Variants in ZIM2 observed in about 807,000 individuals in gnomAD.
ZIM2 encodes zinc finger protein 656.
ZIM2 carries 14 observed loss-of-function variants against 38.6 expected under a neutral mutation model. The ratio of observed to expected loss-of-function variants is 0.36; its 90% CI spans 0.24 to 0.57. The LOEUF is 0.57. Among genes scored for constraint, ZIM2 ranks in the 20% least tolerant of loss-of-function variants. The pLI, the probability that ZIM2 is intolerant of heterozygous loss-of-function variation, is 0.81. For synonymous variants in ZIM2, 247 were observed against 245.8 expected (o/e 1.00, Z -0.04); for missense variants, 680 against 695.1 (o/e 0.98, Z 0.24).
Position 56,782,131 on chromosome 19 carries a change from A to T in ZIM2, c.571-10T>A. On this transcript the variant is annotated splice_polypyrimidine_tract_variant and intron_variant, in intron 10 of 12. Coordinates refer to ENST00000629319, the MANE Select transcript of ZIM2 (RefSeq NM_001387356.1). The stretch of plus-strand genomic sequence containing the variant: ...GTTTGAAGTCCGGGAACTATCCCAG[A>T]GAGAGGAGAAGGGACGTGATTAGAG... 6.2e-7 allele frequency: 1 copy of T among 1,612,546 alleles called. No individual in the cohort carries two copies. Among genetic ancestry groups the T allele is most frequent in the South Asian group, 1.1e-5 (1 of 90,950 alleles).
intron 9 of ZIM2, among the ~76,000 whole-genome samples, chr19:56,809,430 C>G (rs1339914049): frequency 6.6e-6 from 1 of 152,192 alleles, no homozygotes; most frequent in Non-Finnish European, 1.5e-5. Flanking sequence ...AGGGACACAG[C>G]AGCCGCAAAT....
intron 1 of ZIM2, among the ~76,000 whole-genome samples, chr19:56,839,774 G>C (rs1261211262): frequency 1.3e-5 from 2 of 151,822 alleles, no homozygotes; most frequent in South Asian, 2.1e-4. Flanking sequence ...CCAGAACAGC[G>C]CCTGCGCGGC....
intron 9 of ZIM2, chr19:56,812,405 T>C (rs1022489144): frequency 1.0e-6 from 1 of 984,132 alleles, no homozygotes; most frequent in Non-Finnish European, 1.2e-6. Context: ...TAAGCTTGGG[T>C]TGACTGTAAA....
In ZIM2 at chr19:56,775,188, C is replaced by A; in HGVS notation, c.1177G>T (p.Ala393Ser). The change falls in exon 13 of 13, where the codon GCT becomes TCT. Residue 393 changes from alanine (A) to serine (S), a missense_variant. Coordinates refer to ENST00000629319, the MANE Select transcript of ZIM2 (RefSeq NM_001387356.1). Reference sequence around the variant, plus strand: ...TGTGGCATGAGATAGAAGGCTTCAGCACACTGTTTACATTCATAGGGTTTC... The same window carrying A: ...TGTGGCATGAGATAGAAGGCTTCAGAACACTGTTTACATTCATAGGGTTTC... ...GKKPYECKQC[A>S]EAFYLMPHLN... 1 of 1,614,138 alleles carries A rather than the reference C, an allele frequency of 6.2e-7. No homozygotes were observed. Among genetic ancestry groups the A allele is most frequent in the African/African-American group, 1.3e-5 (1 of 75,028 alleles).
At chr19:56,802,264 G>A (rs1486685801) in intron 9 of ZIM2, among the ~76,000 whole-genome samples, 2 of 152,130 alleles carry the variant, frequency 1.3e-5, no homozygotes, top group South Asian at 2.1e-4. Flanking sequence ...AACACAGGGG[G>A]CCACCTACTT....
At position 56,775,295 on chromosome 19, in the gene ZIM2, T is replaced by G; in HGVS notation, c.1070A>C (p.Lys357Thr). ...TSPQSASQEN[K>T]HNRCEFCKRT... is the part of the protein sequence containing the mutation. The stretch of plus-strand genomic sequence containing the variant: ...TTTGCAAAATTCACATCTGTTGTGT[T>G]TGTTCTCTTGGGATGCTGACTGGGG... The change falls in exon 13 of 13, where the codon AAA becomes ACA. Residue 357 changes from lysine (K) to threonine (T), a missense_variant. Transcript: ENST00000629319. 1.2e-6 allele frequency: 2 copies of G among 1,614,168 alleles called. No homozygotes were observed. The highest frequency in any genetic ancestry group is 2.2e-5 in the South Asian group (2 of 91,078).
At position 56,816,898 on chromosome 19, in the gene ZIM2, T is replaced by C. The variant is rs780542091; in HGVS notation, c.490+848A>G. 119 of 1,614,104 alleles carry C rather than the reference T, an allele frequency of 7.4e-5. No homozygotes were observed. In the South Asian group the frequency reaches 1.0e-3, roughly 14 times the overall value. On this transcript the variant is annotated intron_variant, in intron 9 of 12. Coordinates refer to ENST00000629319, the MANE Select transcript of ZIM2 (RefSeq NM_001387356.1). ...ATGTTCAGCCAAGGCGGCACTCTTA[T>C]TGAAGGTCTCTCCACAGTCCTTACA...
intron 3 of ZIM2, among the ~76,000 whole-genome samples, chr19:56,825,638 C>T (rs756972632): frequency 1.3e-5 from 2 of 151,630 alleles, no homozygotes; most frequent in African/African-American, 2.4e-5. Flanking sequence ...CATTTTATTG[C>T]GTATTTTAAT....
In ZIM2 at chr19:56,822,769, G is replaced by A; in HGVS notation, c.174C>T (p.Thr58=). The A allele has an allele frequency of 6.2e-7, 1 of 1,614,136 alleles. No homozygotes were observed. Among genetic ancestry groups the A allele is most frequent in the African/African-American group, 1.3e-5 (1 of 75,052 alleles). The change falls in exon 6 of 13, where the codon ACC becomes ACT. Residue 58 remains threonine, a synonymous_variant. Transcript: ENST00000629319. ...AAGACTCACTGCTTCTTGGGTTCCT[G>A]GTGTGGGACCAGCGGTCTCGTGGCT... The part of the protein sequence containing the change: ...DMEPRDRWSH[T]RNPRSRMPPR...
At chr19:56,817,595 A>C in intron 9 of ZIM2, 151 bp downstream of exon 9, 1 of 1,570,958 alleles carries the variant, frequency 6.4e-7, no homozygotes. Flanking sequence ...AAGAAACCCC[A>C]AATGTAAATA....
Position 56,798,273 on chromosome 19 carries a change from T to C in ZIM2, c.491-8322A>G, listed in dbSNP as rs115398978. 641 of 152,288 alleles carry C rather than the reference T, an allele frequency of 4.2e-3. 4 individuals are homozygous for C. Among genetic ancestry groups the C allele is most frequent in the African/African-American group, 0.015 (612 of 41,554 alleles). The allele number at this position is 152,288 out of a possible 1,614,324, so 9.4% of individuals were successfully genotyped here. A position where few individuals can be genotyped will look rare whatever the true frequency, so the allele number is the denominator to read the frequency against. ...CTATCTTTATACAATGGTGAGTTCGTATTGCATCTCATGGCTAAAATACTG... is the reference window on the plus strand; with the variant it reads ...CTATCTTTATACAATGGTGAGTTCGCATTGCATCTCATGGCTAAAATACTG... On this transcript the variant is annotated intron_variant, in intron 9 of 12. Transcript: ENST00000629319.
chr19:56,821,625 T>C (rs1458788418), intron 7 of ZIM2, 26 bp downstream of exon 7: 4 of 1,611,970 alleles, frequency 2.5e-6, no homozygotes, highest in South Asian at 2.2e-5. Context: ...ATGGCCTTTC[T>C]AGAAAGAGAG....
intron 2 of ZIM2, among the ~76,000 whole-genome samples, chr19:56,834,953 A>G (rs755431567): frequency 6.6e-6 from 1 of 152,164 alleles, no homozygotes; most frequent in Non-Finnish European, 1.5e-5. Flanking sequence ...ACAAATGAAC[A>G]AACAGACAAC....
Position 56,812,051 on chromosome 19 carries a change from T to C in ZIM2, c.490+5695A>G, listed in dbSNP as rs569868945. 5.1e-6 allele frequency: 5 copies of C among 983,840 alleles called. No homozygotes were observed. The South Asian group carries it at 1.9e-4, about 37-fold the overall frequency. The allele number at this position is 983,840 out of a possible 1,614,324, so 60.9% of individuals were successfully genotyped here. On this transcript the variant is annotated intron_variant, in intron 9 of 12. Transcript: ENST00000629319. ...TCCAGAAGAGTAAGATTCAGACACA[T>C]TTCCCCCAGTGGGTACTTTAATTTT...
rs1568614558 is a variant in ZIM2, at chr19:56,814,113, G to T, written c.490+3633C>A. 4.3e-6 allele frequency: 7 copies of T among 1,613,682 alleles called. No individual in the cohort carries two copies. The South Asian group carries it at 6.6e-5, about 15-fold the overall frequency. On this transcript the variant is annotated intron_variant, in intron 9 of 12. Transcript: ENST00000629319. This position sits in a 1 kb window ranked among gnomAD's most constrained non-coding sequence, Gnocchi z 5.8. ...CATCAGCATCCCCATTTGGCTGCTC[G>T]GCCTCTCCATTTGGCTGTCCAGCCT...
chr19:56,804,095 C>T (rs1212912092), intron 9 of ZIM2, among the ~76,000 whole-genome samples: 1 of 152,176 alleles, frequency 6.6e-6, no homozygotes, highest in African/African-American at 2.4e-5. Flanking sequence ...TGTTAATAAC[C>T]CCTGATACCC....
chr19:56,818,839 C>T, intron 7 of ZIM2, 137 bp from the exon 8 acceptor site: 1 of 988,612 alleles, frequency 1.0e-6, no homozygotes, highest in South Asian at 1.6e-5. Context: ...CTGAGTGATC[C>T]AAGTCAAGTG....
chr19:56,824,291 T>A lies in ZIM2; in HGVS notation c.-14A>T. 1 of 1,614,052 alleles carries A rather than the reference T, an allele frequency of 6.2e-7. No homozygotes were observed. The highest frequency in any genetic ancestry group is 8.5e-7 in the Non-Finnish European group (1 of 1,180,030). On this transcript the variant is annotated 5_prime_UTR_variant, in exon 4 of 13. Transcript: ENST00000629319. ...TGGTTGGTACATCTCCTTGTAATTC[T>A]CCAGCAGAGTGACGAGCTTCTCACA...
Position 56,817,216 on chromosome 19 carries a change from C to G in ZIM2, c.490+530G>C, listed in dbSNP as rs771285425. 47 of 1,614,066 alleles carry G rather than the reference C, an allele frequency of 2.9e-5. No homozygotes were observed. The highest frequency in any genetic ancestry group is 3.7e-5 in the Non-Finnish European group (44 of 1,180,028). ...TTCAAAGGGCTTCTTCCTGGGACAG[C>G]CTTTTTGATCGTGAATCGAGCCCTT... is the stretch of plus-strand genomic sequence containing the variant. On this transcript the variant is annotated intron_variant, in intron 9 of 12. Transcript: ENST00000629319.
Sources: gnomAD v4.1 joint callset for allele counts (sites outside exome capture counted in the v4.1 genomes callset) on GRCh38, gnomAD v4.1.1 for gene constraint, Gnocchi (gnomAD v3.1) non-coding constraint, MANE v1.5 for transcripts, NCBI Gene and HGNC (gene_info 2026-07-23, HGNC 2026-07-21) for gene names.